Variants in FGF14 observed in about 807,000 individuals in gnomAD.
The protein encoded by FGF14 is fibroblast growth factor homologous factor 4.
In FGF14, 5 loss-of-function variants were observed where a neutral mutation model predicts 25.5. That is an observed-to-expected ratio of 0.20 (90% CI 0.10 to 0.41). FGF14 has a LOEUF of 0.41. Among genes scored for constraint, FGF14 ranks in the 10% least tolerant of loss-of-function variants. FGF14 has a pLI of 1.00. For synonymous variants in FGF14, 138 were observed against 118.3 expected, an observed-to-expected ratio of 1.17 and a Z score of -1.08; for missense variants, 222 against 320.1, an observed-to-expected ratio of 0.69 and a Z score of 2.34.
intron 3 of FGF14, among the ~76,000 whole-genome samples, chr13:101,765,359 G>A (rs2038310894): frequency 6.6e-6 from 1 of 152,136 alleles, no homozygotes; most frequent in Admixed American, 6.5e-5. Flanking sequence ...GGCTGCAACT[G>A]TAAACCCATC....
chr13:102,078,105 G>C (rs1011244116), intron 1 of FGF14, among the ~76,000 whole-genome samples: 4 of 152,170 alleles, frequency 2.6e-5, no homozygotes, highest in South Asian at 4.1e-4. Flanking sequence ...CAGAGGTTGA[G>C]AGCATAATAA....
chr13:102,022,846 C>T (rs981411253), intron 1 of FGF14, among the ~76,000 whole-genome samples: 2 of 152,006 alleles, frequency 1.3e-5, no homozygotes, highest in African/African-American at 2.4e-5. Flanking sequence ...TCAGCATGTA[C>T]ATTAAACTTT....
At chr13:102,323,196 G>A (rs184307322) in intron 1 of FGF14, among the ~76,000 whole-genome samples, 1 of 152,266 alleles carries the variant, frequency 6.6e-6, no homozygotes, top group African/African-American at 2.4e-5. Flanking sequence ...CGCAGTATAT[G>A]AGAAACACTG....
At chr13:101,788,909 TAGAGAGAG>T (rs781347440) in intron 3 of FGF14, among the ~76,000 whole-genome samples, 455 of 31,096 alleles carry the variant, frequency 0.015, 4 homozygotes, top group Middle Eastern at 0.026. Context: ...TATATATATA[TAGAGAGAG>T]AGAGAGAGAG....
intron 1 of FGF14, among the ~76,000 whole-genome samples, chr13:101,878,331 G>T (rs1393337117): frequency 2.6e-5 from 4 of 152,036 alleles, no homozygotes; most frequent in Admixed American, 2.6e-4. Flanking sequence ...CCCCACTCTG[G>T]TTCTATCAAC....
intron 1 of FGF14, among the ~76,000 whole-genome samples, chr13:102,369,314 C>T (rs1256565097): frequency 6.6e-6 from 1 of 152,188 alleles, no homozygotes; most frequent in Non-Finnish European, 1.5e-5. Context: ...CTCTCCCTCT[C>T]CTCAACAAAA....
chr13:102,194,403 T>A (rs929426329), intron 1 of FGF14, among the ~76,000 whole-genome samples: 1 of 148,196 alleles, frequency 6.7e-6, no homozygotes, highest in African/African-American at 2.5e-5. Context: ...CCACATGCAT[T>A]AGCTATTTAT....
chr13:102,009,612 A>G lies in FGF14; in HGVS notation c.209-134316T>C, dbSNP rs539234555. Among the ~76,000 whole-genome samples, 15 of 152,310 alleles carry G rather than the reference A, an allele frequency of 9.8e-5. No homozygotes were observed. The East Asian group carries it at 2.9e-3, about 29-fold the overall frequency. ...AAAGTCTACACCAATTTAAACATCC[A>G]CCATGAGGATACCACCTTGAAAATT... On this transcript the variant is annotated intron_variant, in intron 1 of 4. Transcript: ENST00000376131.
intron 1 of FGF14, among the ~76,000 whole-genome samples, chr13:102,227,246 T>C (rs913418354): frequency 4.6e-5 from 7 of 152,124 alleles, no homozygotes; most frequent in African/African-American, 1.7e-4. Flanking sequence ...TCTTGCTTCA[T>C]GGAATTTTTT....
intron 1 of FGF14, among the ~76,000 whole-genome samples, chr13:102,335,184 A>C (rs940814959): frequency 2.0e-5 from 3 of 152,168 alleles, no homozygotes; most frequent in Admixed American, 1.3e-4. Context: ...TCCCTGTTTT[A>C]CTTGGCCCAA....
At chr13:102,392,711 C>T (rs1158599879) in intron 1 of FGF14, among the ~76,000 whole-genome samples, 1 of 151,892 alleles carries the variant, frequency 6.6e-6, no homozygotes, top group Admixed American at 6.6e-5. Flanking sequence ...AAATTCCAGA[C>T]TCCTCCTTCA....
At chr13:101,772,913 G>A (rs1242683268) in intron 3 of FGF14, among the ~76,000 whole-genome samples, 1 of 152,022 alleles carries the variant, frequency 6.6e-6, no homozygotes, top group Non-Finnish European at 1.5e-5. Flanking sequence ...CATTTATTTG[G>A]CTTAGTTATT....
intron 1 of FGF14, among the ~76,000 whole-genome samples, chr13:102,141,720 T>C (rs988094929): frequency 6.6e-6 from 1 of 152,182 alleles, no homozygotes; most frequent in Admixed American, 6.5e-5. Context: ...GAGTTAACAC[T>C]ATTTAGTTAT....
chr13:102,080,861 A>G (rs1412491584), intron 1 of FGF14, among the ~76,000 whole-genome samples: 3 of 152,174 alleles, frequency 2.0e-5, no homozygotes, highest in Non-Finnish European at 2.9e-5. Context: ...ACCAACTAAC[A>G]TTTGACTCTC....
chr13:101,919,528 C>A (rs1191611445), upstream of FGF14, among the ~76,000 whole-genome samples: 2 of 151,982 alleles, frequency 1.3e-5, no homozygotes, highest in Non-Finnish European at 2.9e-5. Context: ...GTCTTTCCCC[C>A]AAATCCTTGG....
In FGF14 at chr13:101,943,273, G is replaced by A. The variant is rs138525063; in HGVS notation, c.209-67977C>T. ...ATACTCTCCTGTTTTAGACTTAACC[G>A]TGTGTCTGCTACCATCTACTAGATT... On this transcript the variant is annotated intron_variant, in intron 1 of 4. Transcript: ENST00000376131. Among the ~76,000 whole-genome samples the A allele has an allele frequency of 3.5e-3, 536 of 152,164 alleles. 1 individual carries two copies. Among genetic ancestry groups the A allele is most frequent in the African/African-American group, 0.012 (513 of 41,506 alleles).
chr13:102,310,695 G>GTGT (rs1284677105), intron 1 of FGF14, among the ~76,000 whole-genome samples: 5 of 34,586 alleles, frequency 1.4e-4, no homozygotes, highest in Non-Finnish European at 2.2e-4. Context: ...CTGTGTGTGT[G>GTGT]TGGGGGGGGG....
At chr13:102,051,047 G>C (rs2042195128) in intron 1 of FGF14, among the ~76,000 whole-genome samples, 1 of 152,172 alleles carries the variant, frequency 6.6e-6, no homozygotes, top group Non-Finnish European at 1.5e-5. Context: ...ATTTATCTCA[G>C]TCTCAGAGCT....
chr13:102,097,757 C>A (rs1316648817), intron 1 of FGF14, among the ~76,000 whole-genome samples: 1 of 152,172 alleles, frequency 6.6e-6, no homozygotes, highest in Non-Finnish European at 1.5e-5. Context: ...TTTCCCAGAG[C>A]ACATCTGTCA....
Sources: allele counts gnomAD v4.1 joint callset (sites outside exome capture counted in the v4.1 genomes callset), GRCh38; gene constraint gnomAD v4.1.1; transcripts MANE v1.5; gene names NCBI Gene and HGNC (gene_info 2026-07-23, HGNC 2026-07-21).